Variants in DLGAP1 observed in about 807,000 individuals in gnomAD.
DLGAP1 encodes DLG associated protein 1, also known as disks large-associated protein 1.
In DLGAP1, 11 loss-of-function variants were observed where a neutral mutation model predicts 90.8. The ratio of observed to expected loss-of-function variants is 0.12; its 90% CI spans 0.08 to 0.20. The LOEUF (loss-of-function observed/expected upper bound fraction) is 0.20. Among genes scored for constraint, DLGAP1 ranks in the 10% least tolerant of loss-of-function variants. DLGAP1 has a pLI of 1.00. For synonymous variants in DLGAP1, 558 were observed against 540.7 expected (o/e 1.03, Z -0.44); for missense variants, 1,050 against 1,333.8 (o/e 0.79, Z 3.31).
intron 1 of DLGAP1, among the ~76,000 whole-genome samples, chr18:4,282,628 T>G (rs1323234952): frequency 6.6e-6 from 1 of 152,196 alleles, no homozygotes; most frequent in Non-Finnish European, 1.5e-5. Context: ...GCTTTAGATC[T>G]GAAAAGAAGA....
At chr18:4,142,415 A>G (rs952756555) in intron 2 of DLGAP1, among the ~76,000 whole-genome samples, 1 of 152,310 alleles carries the variant, frequency 6.6e-6, no homozygotes, top group Non-Finnish European at 1.5e-5. Context: ...CTACATATCT[A>G]TATCTGTCTG....
At chr18:4,284,150 T>A (rs1431875472) in intron 1 of DLGAP1, among the ~76,000 whole-genome samples, 2 of 147,990 alleles carry the variant, frequency 1.4e-5, no homozygotes, top group African/African-American at 5.0e-5. Flanking sequence ...GATCCACCTG[T>A]GAGTAGCCAC....
intron 1 of DLGAP1, among the ~76,000 whole-genome samples, chr18:4,272,626 G>A (rs886678100): frequency 2.0e-5 from 3 of 152,268 alleles, no homozygotes; most frequent in Admixed American, 6.5e-5. Flanking sequence ...CTGTTTTGCA[G>A]CACCATATGA....
chr18:3,874,137 A>G, intron 4 of DLGAP1: 2 of 1,549,922 alleles, frequency 1.3e-6, no homozygotes, highest in Non-Finnish European at 1.7e-6. Context: ...AAAGTAATAA[A>G]AGAGTTATAC....
Position 3,529,996 on chromosome 18 carries a change from C to A in DLGAP1, c.2479+4198G>T, listed in dbSNP as rs560811087. On this transcript the variant is annotated intron_variant, in intron 10 of 12. Transcript: ENST00000315677. ...CTTTAGTTTTTCCTAAATCTTTATACAATGAGTATCCTCACACATCATTAT... is the reference window on the plus strand; with the variant it reads ...CTTTAGTTTTTCCTAAATCTTTATAAAATGAGTATCCTCACACATCATTAT... Among the ~76,000 whole-genome samples the A allele has an allele frequency of 9.2e-5, 14 of 152,310 alleles. No homozygotes were observed. In the South Asian group the frequency reaches 2.9e-3, roughly 32 times the overall value.
At chr18:3,915,872 T>A (rs2148902681) in intron 3 of DLGAP1, among the ~76,000 whole-genome samples, 1 of 152,272 alleles carries the variant, frequency 6.6e-6, no homozygotes, top group Middle Eastern at 3.4e-3. Flanking sequence ...GAATAGTAAG[T>A]CCTGACAAGT....
Position 3,526,135 on chromosome 18 carries a change from G to T in DLGAP1, c.2479+8059C>A, listed in dbSNP as rs1219381694. On this transcript the variant is annotated intron_variant, in intron 10 of 12. Transcript: ENST00000315677. The surrounding 1 kb of genome is among the most constrained non-coding windows in gnomAD (Gnocchi z 4.7). ...GTGTGTCTGTGTGTGTGGTGGAGTGGGAGGGACCTTTTGAGGGTTCATTGC... is the reference window on the plus strand; with the variant it reads ...GTGTGTCTGTGTGTGTGGTGGAGTGTGAGGGACCTTTTGAGGGTTCATTGC... Among the ~76,000 whole-genome samples the T allele has an allele frequency of 6.6e-6, 1 of 152,156 alleles. No homozygotes were observed. The highest frequency in any genetic ancestry group is 1.5e-5 in the Non-Finnish European group (1 of 68,038).
intron 1 of DLGAP1, among the ~76,000 whole-genome samples, chr18:4,453,338 T>C (rs992759003): frequency 1.3e-5 from 2 of 149,666 alleles, no homozygotes; most frequent in African/African-American, 5.0e-5. Flanking sequence ...AGGCTTGAAT[T>C]TCCTTTTAAA....
At chr18:4,388,899 T>C (rs1356558591) in intron 1 of DLGAP1, among the ~76,000 whole-genome samples, 1 of 152,162 alleles carries the variant, frequency 6.6e-6, no homozygotes, top group African/African-American at 2.4e-5. Context: ...GGAGCCCTTG[T>C]CTACTGTTGA....
rs188929469 is a variant in DLGAP1, at chr18:4,390,686, T to C, written c.-267+64320A>G. Among the ~76,000 whole-genome samples, 4 of 152,350 alleles carry C rather than the reference T, an allele frequency of 2.6e-5. No homozygotes were observed. The East Asian group carries it at 7.7e-4, about 29-fold the overall frequency. ...ATTTAGTTTCCTTCATGTCTTTTTG[T>C]GGCTTGATAGCTGAATAATATTCCA... On this transcript the variant is annotated intron_variant, in intron 1 of 12. Transcript: ENST00000315677.
intron 3 of DLGAP1, among the ~76,000 whole-genome samples, chr18:3,898,952 G>A (rs1456430611): frequency 6.6e-6 from 1 of 151,492 alleles, no homozygotes; most frequent in Non-Finnish European, 1.5e-5. Context: ...CAATTTGGAG[G>A]AAATGATGAA....
At chr18:3,591,035 CT>C (rs1364117065) in intron 7 of DLGAP1, among the ~76,000 whole-genome samples, 1 of 152,016 alleles carries the variant, frequency 6.6e-6, no homozygotes, top group Non-Finnish European at 1.5e-5. Context: ...TCTAGTAATT[CT>C]TTTTTGTTGC....
chr18:4,090,222 G>T (rs2075754183), intron 2 of DLGAP1, among the ~76,000 whole-genome samples: 1 of 152,104 alleles, frequency 6.6e-6, no homozygotes, highest in Admixed American at 6.5e-5. Context: ...AAAAGCAATT[G>T]CAACAAAAGC....
intron 2 of DLGAP1, among the ~76,000 whole-genome samples, chr18:4,016,800 G>A (rs898466762): frequency 6.6e-6 from 1 of 152,180 alleles, no homozygotes; most frequent in Non-Finnish European, 1.5e-5. Flanking sequence ...TCAGTTCAGG[G>A]TCAGTGCCTT....
At chr18:3,641,799 A>G (rs2058956304) in intron 7 of DLGAP1, among the ~76,000 whole-genome samples, 1 of 152,208 alleles carries the variant, frequency 6.6e-6, no homozygotes, top group Admixed American at 6.5e-5. Flanking sequence ...TATGTACTAT[A>G]GATGCTGGGC....
chr18:3,761,537 G>A (rs1568087428), intron 5 of DLGAP1, among the ~76,000 whole-genome samples: 1 of 151,636 alleles, frequency 6.6e-6, no homozygotes, highest in Non-Finnish European at 1.5e-5. Context: ...ATGCTGTGAT[G>A]AGTACGAGTG....
intron 1 of DLGAP1, among the ~76,000 whole-genome samples, chr18:4,166,750 T>C (rs2076939853): frequency 6.6e-6 from 1 of 152,196 alleles, no homozygotes; most frequent in Admixed American, 6.5e-5. Context: ...GCTGCAACAT[T>C]GATGAACTAA....
At chr18:3,668,962 C>T (rs1441802850) in intron 7 of DLGAP1, among the ~76,000 whole-genome samples, 1 of 151,730 alleles carries the variant, frequency 6.6e-6, no homozygotes, top group East Asian at 1.9e-4. Context: ...CCGGCCTGGG[C>T]GACCGAGTAA....
intron 7 of DLGAP1, among the ~76,000 whole-genome samples, chr18:3,672,365 G>A (rs921610942): frequency 6.6e-6 from 1 of 151,836 alleles, no homozygotes; most frequent in Non-Finnish European, 1.5e-5. Context: ...ATCACCTGAG[G>A]TCAGGAGTTC....
Sources: allele counts gnomAD v4.1 joint callset (sites outside exome capture counted in the v4.1 genomes callset), GRCh38; gene constraint gnomAD v4.1.1; non-coding constraint Gnocchi (gnomAD v3.1); transcripts MANE v1.5; gene names NCBI Gene and HGNC (gene_info 2026-07-23, HGNC 2026-07-21).